PDE7B: variants seen among roughly 807,000 people sequenced by gnomAD.
The protein encoded by PDE7B is phosphodiesterase 7B, also known as 3',5'-cyclic-AMP phosphodiesterase 7B.
A neutral mutation model predicts 56.2 loss-of-function variants in PDE7B; 29 were observed. That is an observed-to-expected ratio of 0.52 (90% CI 0.38 to 0.70). The LOEUF (loss-of-function observed/expected upper bound fraction) is 0.70, where lower values mean the gene tolerates loss of function less well. Ranked by LOEUF, PDE7B falls within the 30% of genes least tolerant of loss-of-function variation. The pLI is 0.00. For synonymous variants in PDE7B, 197 were observed against 196.9 expected (o/e 1.00, Z 0.00); for missense variants, 490 against 565.0 (o/e 0.87, Z 1.35).
intron 1 of PDE7B, among the ~76,000 whole-genome samples, chr6:135,935,844 A>G (rs1263317000): frequency 6.6e-6 from 1 of 152,238 alleles, no homozygotes; most frequent in African/African-American, 2.4e-5. Context: ...AGTAGAATTT[A>G]AGGAAATTTC....
intron 1 of PDE7B, among the ~76,000 whole-genome samples, chr6:135,906,823 T>TG (rs1253710045): frequency 1.4e-5 from 2 of 146,514 alleles, no homozygotes; most frequent in African/African-American, 5.1e-5. Context: ...TTTTTTTTTT[T>TG]TTTTTTTTTT....
chr6:135,857,083 C>T (rs1257707622), intron 1 of PDE7B, among the ~76,000 whole-genome samples: 3 of 130,326 alleles, frequency 2.3e-5, no homozygotes, highest in Non-Finnish European at 4.8e-5. Flanking sequence ...CCTTCCTTTT[C>T]ATTCTCCCTC....
At chr6:136,065,629 C>A (rs1033543726) in intron 2 of PDE7B, among the ~76,000 whole-genome samples, 4 of 152,138 alleles carry the variant, frequency 2.6e-5, no homozygotes, top group African/African-American at 4.8e-5. Flanking sequence ...TCCAAAAAAA[C>A]CAAACCAAAC....
intron 2 of PDE7B, among the ~76,000 whole-genome samples, chr6:136,042,585 T>G (rs2128210091): frequency 6.6e-6 from 1 of 152,342 alleles, no homozygotes; most frequent in African/African-American, 2.4e-5. Context: ...CCATAGCCAT[T>G]GTAACGTCTC....
intron 3 of PDE7B, among the ~76,000 whole-genome samples, chr6:136,139,241 T>C (rs1369142873): frequency 6.6e-6 from 1 of 152,218 alleles, no homozygotes; most frequent in Non-Finnish European, 1.5e-5. Flanking sequence ...GTCCTTGCAA[T>C]AGTTTGCTGA....
chr6:135,979,519 G>A (rs1301105560), intron 2 of PDE7B, among the ~76,000 whole-genome samples: 1 of 151,566 alleles, frequency 6.6e-6, no homozygotes, highest in South Asian at 2.1e-4. Context: ...GACTCTTTTT[G>A]GTTGGTAAGC....
intron 1 of PDE7B, among the ~76,000 whole-genome samples, chr6:135,874,032 A>G (rs1042611309): frequency 6.6e-6 from 1 of 152,190 alleles, no homozygotes; most frequent in African/African-American, 2.4e-5. Flanking sequence ...AAAAAAGAAG[A>G]GCAGAGAAAA....
chr6:136,055,874 T>A (rs1343678482), intron 2 of PDE7B, among the ~76,000 whole-genome samples: 1 of 152,214 alleles, frequency 6.6e-6, no homozygotes, highest in Admixed American at 6.5e-5. Flanking sequence ...CTTGCTCCTT[T>A]GTACAAAGAA....
chr6:136,070,510 A>G (rs774879959), intron 2 of PDE7B, among the ~76,000 whole-genome samples: 3 of 151,456 alleles, frequency 2.0e-5, no homozygotes, highest in Middle Eastern at 3.5e-3. Context: ...ATGAATAACA[A>G]TATTGTTGAA....
At chr6:136,084,577 C>G (rs571665469) in intron 2 of PDE7B, among the ~76,000 whole-genome samples, 2 of 152,306 alleles carry the variant, frequency 1.3e-5, no homozygotes, top group Admixed American at 6.5e-5. Context: ...AAGATAAACA[C>G]TAGCAGTCTC....
rs543852284 is a variant in PDE7B, at chr6:135,913,648, T to C, written c.22-33816T>C. ...AAAAAAGTTTCCTTTTCATTTAACA[T>C]GTACTGGCAAGAGTTGCCAGATAAT... On this transcript the variant is annotated intron_variant, in intron 1 of 12. Transcript: ENST00000308191. Among the ~76,000 whole-genome samples, 5 of 152,362 alleles carry C rather than the reference T, an allele frequency of 3.3e-5. No homozygotes were observed. In the South Asian group the frequency reaches 1.0e-3, roughly 32 times the overall value.
At chr6:135,889,065 C>A (rs554217366) in intron 1 of PDE7B, among the ~76,000 whole-genome samples, 2 of 152,270 alleles carry the variant, frequency 1.3e-5, no homozygotes, top group East Asian at 1.9e-4. Context: ...TAAATGGAAT[C>A]TTTTACTCAG....
chr6:136,053,603 T>C (rs531928986), intron 2 of PDE7B, among the ~76,000 whole-genome samples: 9 of 152,328 alleles, frequency 5.9e-5, no homozygotes, highest in African/African-American at 2.2e-4. Context: ...CAAATGGTAA[T>C]TCTAGTTCTA....
At chr6:135,954,360 C>T (rs563688205) in intron 2 of PDE7B, among the ~76,000 whole-genome samples, 21 of 152,206 alleles carry the variant, frequency 1.4e-4, no homozygotes, top group Non-Finnish European at 2.5e-4. Flanking sequence ...GTGCATCTCT[C>T]GAGTGTGTCA....
At chr6:136,027,661 G>A (rs765396341) in intron 2 of PDE7B, among the ~76,000 whole-genome samples, 31 of 151,748 alleles carry the variant, frequency 2.0e-4, no homozygotes, top group Non-Finnish European at 3.2e-4. Flanking sequence ...TTGCTCTGTC[G>A]CCCAGGCTGG....
intron 2 of PDE7B, among the ~76,000 whole-genome samples, chr6:135,985,047 G>T (rs1229695695): frequency 6.6e-6 from 1 of 152,172 alleles, no homozygotes; most frequent in Non-Finnish European, 1.5e-5. Flanking sequence ...ATAATGGAAT[G>T]AAGTTAAAGT....
chr6:136,072,663 G>C (rs1416990095), intron 2 of PDE7B: 2 of 152,208 alleles, frequency 1.3e-5, no homozygotes, highest in African/African-American at 2.4e-5. Context: ...GAGCTTTTCT[G>C]GACATGGCCG....
intron 2 of PDE7B, among the ~76,000 whole-genome samples, chr6:135,990,857 A>C (rs1775467137): frequency 6.6e-6 from 1 of 152,226 alleles, no homozygotes; most frequent in Non-Finnish European, 1.5e-5. Flanking sequence ...AGGAAAGTAA[A>C]GGACTAAAGA....
At chr6:135,964,827 A>T (rs1440722821) in intron 2 of PDE7B, among the ~76,000 whole-genome samples, 1 of 152,196 alleles carries the variant, frequency 6.6e-6, no homozygotes, top group Non-Finnish European at 1.5e-5. Flanking sequence ...AGTAAACAGT[A>T]TAAAAAATTA....
Sources: allele counts gnomAD v4.1 joint callset (sites outside exome capture counted in the v4.1 genomes callset), GRCh38; gene constraint gnomAD v4.1.1; transcripts MANE v1.5; gene names NCBI Gene and HGNC (gene_info 2026-07-23, HGNC 2026-07-21).